The following CFAP74 variants were observed in gnomAD, a reference collection of about 807,000 sequenced individuals.
CFAP74 encodes the protein cilia and flagella associated protein 74.
A neutral mutation model predicts 188.9 loss-of-function variants in CFAP74; 124 were observed. That is an observed-to-expected ratio of 0.66 (90% CI 0.57 to 0.76). The LOEUF (loss-of-function observed/expected upper bound fraction) is 0.76. Ranked by LOEUF, CFAP74 falls within the 30% of genes least tolerant of loss-of-function variation. CFAP74 has a pLI of 0.00. For missense variants in CFAP74, 2,198 were observed against 2,165.2 expected, an observed-to-expected ratio of 1.02 and a Z score of -0.30; for synonymous variants, 956 against 916.7, an observed-to-expected ratio of 1.04 and a Z score of -0.77.
rs142051581 is a variant in CFAP74, at chr1:1,977,169, C to T, written c.501-2971G>A. On this transcript the variant is annotated intron_variant, in intron 6 of 38. Coordinates refer to ENST00000682832, the MANE Select transcript of CFAP74 (RefSeq NM_001304360.2). Reference sequence around the variant, plus strand: ...AGCCACCTCTTTTCTTTATATGACCCAGTGTCAGGCATTTCTTTATAGTGA... The same window carrying T: ...AGCCACCTCTTTTCTTTATATGACCTAGTGTCAGGCATTTCTTTATAGTGA... Among the ~76,000 whole-genome samples the T allele has an allele frequency of 4.6e-5, 7 of 152,270 alleles. No homozygotes were observed. In the East Asian group the frequency reaches 1.3e-3, roughly 29 times the overall value.
rs752448013 is a variant in CFAP74 at position 1,985,378 on chromosome 1, C to T, written c.500+8G>A. On this transcript the variant is annotated splice_region_variant and intron_variant, in intron 6 of 38. Coordinates refer to ENST00000682832, the MANE Select transcript of CFAP74 (RefSeq NM_001304360.2). ...CCTGCTGCCAGTCCCGGCTGCACAC[C>T]GACTCACTCGCTCTCCTTCAGCACG... 1.9e-5 allele frequency: 31 copies of T among 1,611,824 alleles called. No homozygotes were observed. In the Admixed American group the frequency reaches 2.5e-4, roughly 13 times the overall value.
At chr1:1,963,940 C>T in intron 13 of CFAP74, 73 bp from the exon 14 acceptor site, 2 of 964,858 alleles carry the variant, frequency 2.1e-6, no homozygotes, top group South Asian at 1.3e-5. Context: ...GGCAGCTTTG[C>T]CTCAAGGTAA....
intron 1 of CFAP74, among the ~76,000 whole-genome samples, chr1:1,991,675 C>A (rs541106782): frequency 6.6e-6 from 1 of 152,194 alleles, no homozygotes; most frequent in South Asian, 2.1e-4. Flanking sequence ...GCATGTGAAA[C>A]TGTGTAACAT....
rs778771921 is a variant in CFAP74 at position 1,923,934 on chromosome 1, G to A, written c.4235-5C>T. The A allele has an allele frequency of 1.1e-5, 18 of 1,603,536 alleles. No individual in the cohort carries two copies. Among genetic ancestry groups the A allele is most frequent in the South Asian group, 5.6e-5 (5 of 89,706 alleles). ...GACCGTTGAGATTCTGCGTCCCTGC[G>A]GGTAGGGTGGGGTGCAGTTTGGCCT... is the stretch of plus-strand genomic sequence containing the variant. On this transcript the variant is annotated splice_region_variant and splice_polypyrimidine_tract_variant and intron_variant, in intron 34 of 38. Transcript: ENST00000682832. The surrounding 1 kb of genome is among the most constrained non-coding windows in gnomAD (Gnocchi z 6.3).
chr1:1,955,536 TAAG>T, intron 18 of CFAP74, 152 bp downstream of exon 18: 1 of 1,610,490 alleles, frequency 6.2e-7, no homozygotes, highest in Non-Finnish European at 8.5e-7. Context: ...TAGTGGCACA[TAAG>T]AATATTTTCT....
At chr1:1,974,951 TGCAAGGAGCC>T (rs918528282) in intron 6 of CFAP74, among the ~76,000 whole-genome samples, 6 of 152,302 alleles carry the variant, frequency 3.9e-5, no homozygotes, top group Middle Eastern at 6.8e-3. Context: ...GGTGGAGGGA[TGCAAGGAGCC>T]GCTCCTGGAG....
intron 16 of CFAP74, among the ~76,000 whole-genome samples, chr1:1,957,440 G>A (rs941818852): frequency 3.3e-5 from 5 of 152,212 alleles, no homozygotes; most frequent in Non-Finnish European, 7.4e-5. Flanking sequence ...AAGGGAGGCC[G>A]CCTCCTTCCC....
chr1:2,002,429 C>T (rs1037606581), intron 1 of CFAP74, among the ~76,000 whole-genome samples: 3 of 150,924 alleles, frequency 2.0e-5, no homozygotes, highest in African/African-American at 7.3e-5. Flanking sequence ...GCCTGTAATT[C>T]CAGCACTTTG....
At chr1:1,999,734 T>A (rs1658102520) in intron 1 of CFAP74, among the ~76,000 whole-genome samples, 1 of 151,146 alleles carries the variant, frequency 6.6e-6, no homozygotes, top group East Asian at 1.9e-4. Context: ...AGAGACTCCT[T>A]TGAACCTGGG....
At position 1,927,690 on chromosome 1, in the gene CFAP74, AACGGAGAATG is replaced by A. The variant is rs1297342112; in HGVS notation, c.3434_3443del (p.Ser1145PhefsTer26). 6.5e-7 allele frequency: 1 copy of A among 1,550,210 alleles called. No individual in the cohort carries two copies. Among genetic ancestry groups the A allele is most frequent in the Non-Finnish European group, 8.7e-7 (1 of 1,146,866 alleles). ...GCTTGTCGCGGTTCTGTGCTCGAAGAACGGAGAATGACAGTCCATGCAGGTCCTTCCTCTG... is the reference window on the plus strand; with the variant it reads ...GCTTGTCGCGGTTCTGTGCTCGAAGAACAGTCCATGCAGGTCCTTCCTCTG... On this transcript the variant is annotated frameshift_variant, in exon 28 of 39. Coordinates refer to ENST00000682832, the MANE Select transcript of CFAP74 (RefSeq NM_001304360.2). LOFTEE classifies it high-confidence loss of function.
chr1:1,977,266 G>A (rs924793416), intron 6 of CFAP74, among the ~76,000 whole-genome samples: 11 of 152,204 alleles, frequency 7.2e-5, no homozygotes, highest in Non-Finnish European at 1.5e-4. Context: ...TCAGACCACA[G>A]CAGAGGCTGA....
chr1:1,938,096 C>T (rs988744456), intron 25 of CFAP74, among the ~76,000 whole-genome samples: 5 of 148,148 alleles, frequency 3.4e-5, no homozygotes, highest in African/African-American at 1.2e-4. Flanking sequence ...CACACTCAAC[C>T]TTACACACCC....
rs113770934 is a variant in CFAP74 at position 1,964,650 on chromosome 1, C to T, written c.1575+238G>A. 1.6e-3 allele frequency among the ~76,000 whole-genome samples: 240 copies of T among 152,300 alleles called. 1 individual carries two copies. The highest frequency in any genetic ancestry group is 5.3e-3 in the African/African-American group (221 of 41,576). On this transcript the variant is annotated intron_variant, in intron 13 of 38. Transcript: ENST00000682832. ...ACTAAAAATACAAAAATTAGCCAGG[C>T]GTGGTGGCAGGCGCCTGTAATCCCT...
chr1:1,991,201 C>T (rs113040533), intron 1 of CFAP74, among the ~76,000 whole-genome samples: 108 of 152,282 alleles, frequency 7.1e-4, no homozygotes, highest in African/African-American at 2.2e-3. Flanking sequence ...AGAGGCCGGG[C>T]GCGGTGGCTC....
chr1:1,939,950 A>G (rs1244392001), intron 23 of CFAP74, among the ~76,000 whole-genome samples, 183 bp from the exon 24 acceptor site: 2 of 152,042 alleles, frequency 1.3e-5, no homozygotes, highest in Non-Finnish European at 2.9e-5. Flanking sequence ...TGGCGGGAGG[A>G]GCTGCGGGTG....
rs1194874930 is a variant in CFAP74, at chr1:1,923,077, A to G, written c.4591T>C (p.Tyr1531His). The G allele has an allele frequency of 3.1e-6, 5 of 1,609,920 alleles. No homozygotes were observed. Among genetic ancestry groups the G allele is most frequent in the Admixed American group, 1.7e-5 (1 of 58,968 alleles). Residue 1531 changes from tyrosine (Y) to histidine (H), a missense_variant, in exon 37 of 39, where the codon TAC becomes CAC. Transcript: ENST00000682832. The surrounding 1 kb of genome is among the most constrained non-coding windows in gnomAD (Gnocchi z 6.3). ...GGCGTGTCTGTGTCAAACTGGATGT[A>G]GTCCAGGGTCACCAGGATGGGCCTC... is the stretch of plus-strand genomic sequence containing the variant. ...ELRPILVTLD[Y>H]IQFDTDTPAP...
At chr1:1,957,776 G>A (rs554005926) in intron 16 of CFAP74, among the ~76,000 whole-genome samples, 3 of 152,222 alleles carry the variant, frequency 2.0e-5, no homozygotes, top group African/African-American at 7.2e-5. Flanking sequence ...CGGGGGGGCG[G>A]GGGACTTCCT....
chr1:1,977,497 C>T (rs1053130461), intron 6 of CFAP74, among the ~76,000 whole-genome samples: 5 of 152,148 alleles, frequency 3.3e-5, no homozygotes, highest in African/African-American at 1.2e-4. Context: ...CCTCTCTGGC[C>T]CAGATGCTCC....
chr1:1,991,815 G>C (rs577671279), intron 1 of CFAP74, among the ~76,000 whole-genome samples: 30 of 152,120 alleles, frequency 2.0e-4, no homozygotes, highest in Non-Finnish European at 4.1e-4. Context: ...CAAGGTGGGC[G>C]GATCACGAGG....
Sources: gnomAD v4.1 joint callset for allele counts (sites outside exome capture counted in the v4.1 genomes callset) on GRCh38, gnomAD v4.1.1 for gene constraint, Gnocchi (gnomAD v3.1) non-coding constraint, MANE v1.5 for transcripts, NCBI Gene and HGNC (gene_info 2026-07-23, HGNC 2026-07-21) for gene names.